CACNB2: variants seen among roughly 807,000 people sequenced by gnomAD.
The protein encoded by CACNB2 is voltage-dependent L-type calcium channel subunit beta-2.
CACNB2 carries 42 observed loss-of-function variants against 73.3 expected under a neutral mutation model. The observed-to-expected ratio is 0.57, with a 90% CI of 0.45 to 0.74. The LOEUF (loss-of-function observed/expected upper bound fraction) is 0.74. CACNB2 is among the 30% of genes least tolerant of loss of function. The pLI, the probability that CACNB2 is intolerant of heterozygous loss-of-function variation, is 0.00. For missense variants in CACNB2, 940 were observed against 853.0 expected (o/e 1.10, Z -1.27); for synonymous variants, 348 against 310.3 (o/e 1.12, Z -1.28).
intron 12 of CACNB2, among the ~76,000 whole-genome samples, chr10:18,536,864 C>T (rs2053655589): frequency 6.6e-6 from 1 of 152,168 alleles, no homozygotes; most frequent in Non-Finnish European, 1.5e-5. Context: ...GTTGTCTGCT[C>T]TTAATAACTG....
chr10:18,176,319 A>C (rs2033588067), intron 2 of CACNB2, among the ~76,000 whole-genome samples: 1 of 152,178 alleles, frequency 6.6e-6, no homozygotes, highest in African/African-American at 2.4e-5. Flanking sequence ...CAGGAAGTTT[A>C]CTGTTTTAAT....
intron 3 of CACNB2, among the ~76,000 whole-genome samples, chr10:18,402,439 G>A (rs1357596800): frequency 6.8e-6 from 1 of 146,852 alleles, no homozygotes; most frequent in East Asian, 2.0e-4. Context: ...TATTTTCTTA[G>A]ACTTGAACAG....
rs1011870795 is a variant in CACNB2 at position 18,543,109 on chromosome 10, C to A, written c.*3385C>A. 6.6e-6 allele frequency: 1 copy of A among 152,000 alleles called. No individual in the cohort carries two copies. Among genetic ancestry groups the A allele is most frequent in the Non-Finnish European group, 1.5e-5 (1 of 67,994 alleles). The allele number at this position is 152,000 out of a possible 1,614,324, so 9.4% of individuals were successfully genotyped here. On this transcript the variant is annotated 3_prime_UTR_variant, in exon 14 of 14. Coordinates refer to ENST00000324631, the MANE Select transcript of CACNB2 (RefSeq NM_201596.3). ...CTAACAAACCTGGTTTAAAGTAATT[C>A]ATATAAAACAAATAAAGAGCTGGCT...
chr10:18,244,003 G>A (rs374202052), intron 2 of CACNB2, among the ~76,000 whole-genome samples: 4 of 152,260 alleles, frequency 2.6e-5, no homozygotes, highest in South Asian at 2.1e-4. Context: ...TTCTTCCATC[G>A]TGCAACTGAG....
chr10:18,523,848 G>A (rs1270633286), intron 9 of CACNB2, among the ~76,000 whole-genome samples: 1 of 152,124 alleles, frequency 6.6e-6, no homozygotes, highest in Non-Finnish European at 1.5e-5. Flanking sequence ...TTTTAAAAAC[G>A]TTTAAGCCCA....
At chr10:18,452,705 G>A (rs933923400) in intron 3 of CACNB2, among the ~76,000 whole-genome samples, 22 of 152,210 alleles carry the variant, frequency 1.4e-4, no homozygotes, top group African/African-American at 4.8e-4. Context: ...CCAACACACC[G>A]GGCAAGGTTA....
chr10:18,451,829 C>T (rs1372358982), intron 3 of CACNB2, among the ~76,000 whole-genome samples: 1 of 152,186 alleles, frequency 6.6e-6, no homozygotes, highest in African/African-American at 2.4e-5. Flanking sequence ...AGGCACACAT[C>T]TTTGAACAGA....
At chr10:18,307,705 G>A (rs910900483) in intron 2 of CACNB2, among the ~76,000 whole-genome samples, 10 of 152,082 alleles carry the variant, frequency 6.6e-5, no homozygotes, top group Non-Finnish European at 1.0e-4. Context: ...TGATGCCACA[G>A]ACTTAAAAAG....
chr10:18,456,291 C>T (rs1033407137), intron 3 of CACNB2, among the ~76,000 whole-genome samples: 11 of 151,932 alleles, frequency 7.2e-5, no homozygotes, highest in Non-Finnish European at 1.2e-4. Flanking sequence ...ACCAAAACCC[C>T]GCCTCTACTG....
rs974062703 is a variant in CACNB2 at position 18,443,849 on chromosome 10, G to T, written c.333+41806G>T. On this transcript the variant is annotated intron_variant, in intron 3 of 13. Coordinates refer to ENST00000324631, the MANE Select transcript of CACNB2 (RefSeq NM_201596.3). ...CCTGCCTCAGCCTCCCAAGTAGCTG[G>T]GGTTACAGGTGCCTGCCGCCACACC... Among the ~76,000 whole-genome samples the T allele has an allele frequency of 3.3e-5, 5 of 152,118 alleles. No homozygotes were observed. In the East Asian group the frequency reaches 9.7e-4, roughly 30 times the overall value.
chr10:18,159,794 C>T (rs1164612474), intron 2 of CACNB2, among the ~76,000 whole-genome samples: 1 of 152,218 alleles, frequency 6.6e-6, no homozygotes, highest in African/African-American at 2.4e-5. Context: ...ATAAATCTTT[C>T]AGCCCTTAAA....
At chr10:18,251,550 A>C (rs2037090874) in intron 2 of CACNB2, among the ~76,000 whole-genome samples, 1 of 152,184 alleles carries the variant, frequency 6.6e-6, no homozygotes, top group African/African-American at 2.4e-5. Context: ...GCCCGGCCTC[A>C]ACTCTTAAGT....
At chr10:18,515,216 C>G (rs1362147299) in intron 7 of CACNB2, among the ~76,000 whole-genome samples, 1 of 152,230 alleles carries the variant, frequency 6.6e-6, no homozygotes, top group Non-Finnish European at 1.5e-5. Flanking sequence ...TAAATGGAAA[C>G]TATAGGGTAT....
chr10:18,514,305 A>G lies in CACNB2; in HGVS notation c.740A>G (p.Lys247Arg). 6.2e-7 allele frequency: 1 copy of G among 1,614,098 alleles called. No homozygotes were observed. Among genetic ancestry groups the G allele is most frequent in the Non-Finnish European group, 8.5e-7 (1 of 1,179,984 alleles). ...ATTCCAGCAAACCACCGCTCCCCTA[A>G]ACCCAGTGCAAACAGTGTAACGTCA... ...NDIPANHRSP[K>R]PSANSVTSPH... Residue 247 changes from lysine (K) to arginine (R), a missense_variant, in exon 7 of 14, where the codon AAA (lysine) becomes AGA (arginine). By Grantham distance (26) the Lys-to-Arg change is conservative. Coordinates refer to ENST00000324631, the MANE Select transcript of CACNB2 (RefSeq NM_201596.3).
At chr10:18,370,253 C>T (rs1384503941) in intron 2 of CACNB2, among the ~76,000 whole-genome samples, 1 of 152,162 alleles carries the variant, frequency 6.6e-6, no homozygotes, top group Middle Eastern at 3.2e-3. Flanking sequence ...GCCGGCATTA[C>T]CGTGGAGCTT....
intron 2 of CACNB2, among the ~76,000 whole-genome samples, chr10:18,393,076 G>A (rs1589226889): frequency 6.6e-6 from 1 of 152,078 alleles, no homozygotes. Flanking sequence ...GGGCATGGTG[G>A]TGGGCACCTG....
chr10:18,320,310 T>C (rs1214498048), intron 2 of CACNB2, among the ~76,000 whole-genome samples: 1 of 152,226 alleles, frequency 6.6e-6, no homozygotes, highest in Non-Finnish European at 1.5e-5. Flanking sequence ...GTCTTCGTAG[T>C]TGCATTGTTA....
rs140474859 is a variant in CACNB2, at chr10:18,329,599, C to T, written c.214-72325C>T. Among the ~76,000 whole-genome samples the T allele has an allele frequency of 6.6e-3, 986 of 150,516 alleles. 11 individuals carry two copies. The highest frequency in any genetic ancestry group is 0.023 in the African/African-American group (935 of 40,964). On this transcript the variant is annotated intron_variant, in intron 2 of 13. Transcript: ENST00000324631. ...ATCAGGGAGTAGCCAATTATTTTTG[C>T]GATTTGCACTAAGTGTGCGTTTAGA... is the stretch of plus-strand genomic sequence containing the variant.
At chr10:18,427,342 C>CT (rs1439985207) in intron 3 of CACNB2, among the ~76,000 whole-genome samples, 3 of 152,060 alleles carry the variant, frequency 2.0e-5, no homozygotes, top group East Asian at 3.9e-4. Flanking sequence ...TTAACATCAC[C>CT]TTTTTTTAAC....
Sources: gnomAD v4.1 joint callset for allele counts (sites outside exome capture counted in the v4.1 genomes callset) on GRCh38, gnomAD v4.1.1 for gene constraint, MANE v1.5 for transcripts, NCBI Gene and HGNC (gene_info 2026-07-23, HGNC 2026-07-21) for gene names.